SNX29: variants seen among roughly 807,000 people sequenced by gnomAD.
SNX29 encodes sorting nexin 29.
A neutral mutation model predicts 102.1 loss-of-function variants in SNX29; 78 were observed. The ratio of observed to expected loss-of-function variants is 0.76; its 90% CI spans 0.64 to 0.92. The LOEUF is 0.92. Among genes scored for constraint, SNX29 ranks in the 40% least tolerant of loss-of-function variants. SNX29 has a pLI of 0.00. For synonymous variants in SNX29, 580 were observed against 414.5 expected (o/e 1.40, Z -4.85); for missense variants, 1,280 against 1,061.7 (o/e 1.21, Z -2.86).
At position 12,390,178 on chromosome 16, in the gene SNX29, G is replaced by GTGTGTA. The variant is rs1303815035; in HGVS notation, c.1900-8265_1900-8264insGTATGT. Among the ~76,000 whole-genome samples, 125 of 149,554 alleles carry GTGTGTA rather than the reference G, an allele frequency of 8.4e-4. 1 individual carries two copies. The highest frequency in any genetic ancestry group is 3.0e-3 in the African/African-American group (119 of 40,072). On this transcript the variant is annotated intron_variant, in intron 16 of 20. Transcript: ENST00000566228. Reference sequence around the variant, plus strand: ...TGTGTGTGTGTGTGTGTGTGTGTGTGTGTATGTATATGTATATGTGTGCAC... The same window carrying GTGTGTA: ...TGTGTGTGTGTGTGTGTGTGTGTGTGTGTGTATGTATGTATATGTATATGTGTGCAC...
intron 19 of SNX29, among the ~76,000 whole-genome samples, chr16:12,522,507 G>C (rs1385081488): frequency 1.3e-5 from 2 of 152,120 alleles, no homozygotes; most frequent in Admixed American, 6.5e-5. Context: ...ATTGTAATCC[G>C]CAGTGTTAGA....
At chr16:12,254,199 G>A (rs2078502371) in intron 14 of SNX29, among the ~76,000 whole-genome samples, 1 of 152,190 alleles carries the variant, frequency 6.6e-6, no homozygotes, top group Non-Finnish European at 1.5e-5. Context: ...AGTTCAGTTA[G>A]TATGCCGGGG....
At chr16:12,552,314 G>A (rs923973681) in intron 20 of SNX29, among the ~76,000 whole-genome samples, 2 of 152,136 alleles carry the variant, frequency 1.3e-5, no homozygotes, top group South Asian at 2.1e-4. Flanking sequence ...TAGAAGAGGT[G>A]ATAATGGAAC....
At chr16:12,502,352 C>T (rs1029169812) in intron 19 of SNX29, among the ~76,000 whole-genome samples, 8 of 152,242 alleles carry the variant, frequency 5.3e-5, no homozygotes, top group East Asian at 1.9e-4. Flanking sequence ...ATCTCCCTTA[C>T]GAGGGCGCTG....
intron 13 of SNX29, among the ~76,000 whole-genome samples, chr16:12,190,014 C>T (rs751569188): frequency 4.6e-5 from 7 of 152,290 alleles, no homozygotes; most frequent in Non-Finnish European, 2.9e-5. Context: ...CTCCAGTTAT[C>T]AGTAATATAT....
rs531535335 is a variant in SNX29 at position 12,243,986 on chromosome 16, G to A, written c.1679-33947G>A. On this transcript the variant is annotated intron_variant, in intron 14 of 20. Transcript: ENST00000566228. The stretch of plus-strand genomic sequence containing the variant: ...TAAAATTACTCTACTGGTGGTGGGG[G>A]TGGTGGTTTCAAGATAAAACTGTTC... Among the ~76,000 whole-genome samples, 15 of 152,336 alleles carry A rather than the reference G, an allele frequency of 9.8e-5. No individual in the cohort carries two copies. In the South Asian group the frequency reaches 1.5e-3, roughly 15 times the overall value.
At chr16:12,494,287 C>G (rs540044180) in intron 19 of SNX29, among the ~76,000 whole-genome samples, 1 of 152,272 alleles carries the variant, frequency 6.6e-6, no homozygotes, top group South Asian at 2.1e-4. Context: ...TCCTGCGTGC[C>G]TGGCCCCCGT....
chr16:12,208,843 T>TA lies in SNX29; in HGVS notation c.1678+9176dup, dbSNP rs34312513. Among the ~76,000 whole-genome samples, 291 of 144,010 alleles carry TA rather than the reference T, an allele frequency of 2.0e-3. 1 individual carries two copies. Among genetic ancestry groups the TA allele is most frequent in the African/African-American group, 6.1e-3 (235 of 38,808 alleles). The allele number at this position is 144,010 out of a possible 152,430, so 94.5% of individuals were successfully genotyped here. A position where few individuals can be genotyped will look rare whatever the true frequency, so the allele number is the denominator to read the frequency against. On this transcript the variant is annotated intron_variant, in intron 14 of 20. Coordinates refer to ENST00000566228, the MANE Select transcript of SNX29 (RefSeq NM_032167.5). ...GCGGTAGAGTGAGACCATGTCTCTT[T>TA]AAAAAAAAAAAAAAAAGACTGAGTC...
intron 15 of SNX29, among the ~76,000 whole-genome samples, chr16:12,340,419 C>G (rs1413863720): frequency 6.6e-6 from 1 of 152,192 alleles, no homozygotes; most frequent in Non-Finnish European, 1.5e-5. Flanking sequence ...GAGGAAGGAG[C>G]TTTTATCTGT....
chr16:12,275,970 G>A (rs1165749663), intron 14 of SNX29, among the ~76,000 whole-genome samples: 1 of 146,476 alleles, frequency 6.8e-6, no homozygotes, highest in East Asian at 2.0e-4. Flanking sequence ...TCGGCTCGCT[G>A]CAATCTCCGT....
chr16:12,242,113 T>C (rs1235245582), intron 14 of SNX29, among the ~76,000 whole-genome samples: 4 of 152,110 alleles, frequency 2.6e-5, no homozygotes, highest in Admixed American at 2.0e-4. Flanking sequence ...TGGGGAGAAT[T>C]GGCTTCCCCA....
At chr16:12,461,969 AAAAAAAAAAATATAT>A (rs1476973315) in intron 18 of SNX29, among the ~76,000 whole-genome samples, 3 of 75,238 alleles carry the variant, frequency 4.0e-5, no homozygotes, top group African/African-American at 2.1e-4. Flanking sequence ...AAAAAAAAAA[AAAAAAAAAAATATAT>A]ATATATATAT....
chr16:12,286,831 C>T (rs532964310), intron 15 of SNX29, among the ~76,000 whole-genome samples: 10 of 152,234 alleles, frequency 6.6e-5, no homozygotes, highest in African/African-American at 2.4e-4. Context: ...AAGAAAATCC[C>T]AGGTTCCATA....
At chr16:12,027,020 C>T (rs1248063384) in intron 3 of SNX29, among the ~76,000 whole-genome samples, 1 of 152,184 alleles carries the variant, frequency 6.6e-6, no homozygotes, top group Non-Finnish European at 1.5e-5. Flanking sequence ...CCCCCCTCTG[C>T]ACCCCCGCCA....
intron 19 of SNX29, among the ~76,000 whole-genome samples, chr16:12,510,271 AG>A (rs1299127759): frequency 1.3e-5 from 2 of 152,200 alleles, no homozygotes; most frequent in African/African-American, 4.8e-5. Context: ...AGTTTTACTG[AG>A]GGGTGTGTGC....
At chr16:12,323,867 C>G (rs2081036761) in intron 15 of SNX29, among the ~76,000 whole-genome samples, 1 of 152,200 alleles carries the variant, frequency 6.6e-6, no homozygotes, top group Non-Finnish European at 1.5e-5. Flanking sequence ...GTATGACATG[C>G]AGTTGTTAAG....
chr16:12,340,174 C>G (rs2081571223), intron 15 of SNX29, among the ~76,000 whole-genome samples: 1 of 152,210 alleles, frequency 6.6e-6, no homozygotes, highest in South Asian at 2.1e-4. Context: ...TCGTCATCTT[C>G]TCCATCCTCC....
At chr16:12,544,582 C>G (rs994541705) in intron 20 of SNX29, among the ~76,000 whole-genome samples, 3 of 152,210 alleles carry the variant, frequency 2.0e-5, no homozygotes. Context: ...GTTCTGCAGG[C>G]ATTTCTTAAT....
chr16:12,199,716 G>T, intron 14 of SNX29, 33 bp downstream of exon 14: 1 of 1,590,276 alleles, frequency 6.3e-7, no homozygotes, highest in Non-Finnish European at 8.6e-7. Context: ...GTTGGGAGGG[G>T]CCGGGCTTTT....
Sources: allele counts gnomAD v4.1 joint callset (sites outside exome capture counted in the v4.1 genomes callset), GRCh38; gene constraint gnomAD v4.1.1; transcripts MANE v1.5; gene names NCBI Gene and HGNC (gene_info 2026-07-23, HGNC 2026-07-21).